Variants in TOX observed in about 807,000 individuals in gnomAD.
TOX encodes the protein thymocyte selection associated high mobility group box.
TOX carries 11 observed loss-of-function variants against 53.7 expected under a neutral mutation model. The ratio of observed to expected loss-of-function variants is 0.20; its 90% CI spans 0.13 to 0.34. The LOEUF (loss-of-function observed/expected upper bound fraction) is 0.34. TOX is among the 10% of genes least tolerant of loss of function. TOX has a pLI of 1.00. For missense variants in TOX, 570 were observed against 664.6 expected (o/e 0.86, Z 1.56); for synonymous variants, 225 against 245.3 (o/e 0.92, Z 0.77).
At chr8:58,842,355 C>T (rs1471784583) in intron 4 of TOX, among the ~76,000 whole-genome samples, 1 of 152,202 alleles carries the variant, frequency 6.6e-6, no homozygotes, top group Non-Finnish European at 1.5e-5. Context: ...CTCTCTCTTT[C>T]TCTGTCATAC....
At chr8:58,946,856 G>GA (rs1812530311) in intron 2 of TOX, among the ~76,000 whole-genome samples, 1 of 152,002 alleles carries the variant, frequency 6.6e-6, no homozygotes, top group African/African-American at 2.4e-5. Context: ...AACATCAAAA[G>GA]ATATAGCTCT....
At chr8:59,059,373 A>C (rs1803939013) in intron 1 of TOX, among the ~76,000 whole-genome samples, 1 of 152,230 alleles carries the variant, frequency 6.6e-6, no homozygotes, top group Admixed American at 6.5e-5. Flanking sequence ...TACCGGAAGA[A>C]AATAATTTAA....
intron 1 of TOX, among the ~76,000 whole-genome samples, chr8:59,069,955 C>G (rs16924541): frequency 0.089 from 13,504 of 152,180 alleles, 1,575 homozygotes; most frequent in African/African-American, 0.27. Flanking sequence ...AACACGGTAC[C>G]CTGACCTGTA....
At chr8:59,093,634 C>T (rs1000005626) in intron 1 of TOX, among the ~76,000 whole-genome samples, 6 of 152,160 alleles carry the variant, frequency 3.9e-5, no homozygotes, top group Admixed American at 3.9e-4. Flanking sequence ...CTTTCTTTCT[C>T]CTGCAAAGTA....
Position 58,883,027 on chromosome 8 carries a change from C to T in TOX, c.412-31222G>A, listed in dbSNP as rs550684228. The stretch of plus-strand genomic sequence containing the variant: ...GATTTCTCTGACACACACACGTACA[C>T]GACCCACCTGCTTTCTACTTTTGTT... On this transcript the variant is annotated intron_variant, in intron 3 of 8. Coordinates refer to ENST00000361421, the MANE Select transcript of TOX (RefSeq NM_014729.3). 3.3e-5 allele frequency among the ~76,000 whole-genome samples: 5 copies of T among 152,310 alleles called. No individual in the cohort carries two copies. The South Asian group carries it at 8.3e-4, about 25-fold the overall frequency.
At chr8:58,933,573 T>G (rs1299412439) in intron 3 of TOX, among the ~76,000 whole-genome samples, 7 of 144,738 alleles carry the variant, frequency 4.8e-5, no homozygotes, top group East Asian at 4.1e-4. Context: ...TGAAGGGGGG[T>G]GGGGGGTGCA....
intron 3 of TOX, among the ~76,000 whole-genome samples, chr8:58,878,072 T>G (rs1563377363): frequency 6.6e-6 from 1 of 152,206 alleles, no homozygotes; most frequent in Non-Finnish European, 1.5e-5. Flanking sequence ...TTCAGAATTC[T>G]GATCTGATAC....
chr8:59,052,979 A>G (rs1203046953), intron 1 of TOX, among the ~76,000 whole-genome samples: 3 of 152,222 alleles, frequency 2.0e-5, no homozygotes, highest in Admixed American at 6.5e-5. Context: ...GTGGTTCTAA[A>G]TGGTTCAAGA....
intron 1 of TOX, among the ~76,000 whole-genome samples, chr8:59,010,108 T>C (rs1248586563): frequency 6.6e-6 from 1 of 152,186 alleles, no homozygotes; most frequent in Non-Finnish European, 1.5e-5. Flanking sequence ...CCAAATAGTG[T>C]AGAATTCACG....
At chr8:58,993,285 G>A (rs1269489268) in intron 1 of TOX, among the ~76,000 whole-genome samples, 1 of 152,190 alleles carries the variant, frequency 6.6e-6, no homozygotes, top group East Asian at 1.9e-4. Context: ...TAGATTTAAG[G>A]TTAGATTTTA....
intron 2 of TOX, among the ~76,000 whole-genome samples, chr8:58,941,216 T>C (rs775789913): frequency 2.0e-5 from 3 of 152,240 alleles, no homozygotes; most frequent in Non-Finnish European, 4.4e-5. Context: ...AGCCATTGGT[T>C]CCTTGTACAA....
intron 1 of TOX, among the ~76,000 whole-genome samples, chr8:58,973,551 T>G (rs1177468230): frequency 6.6e-6 from 1 of 152,220 alleles, no homozygotes; most frequent in Non-Finnish European, 1.5e-5. Context: ...TGATTTTTAG[T>G]CCAATATTCC....
intron 1 of TOX, among the ~76,000 whole-genome samples, chr8:59,058,634 T>C (rs918905494): frequency 2.0e-5 from 3 of 152,178 alleles, no homozygotes; most frequent in Admixed American, 6.5e-5. Flanking sequence ...GCCCTGTGAC[T>C]GTTCATCCTT....
intron 2 of TOX, among the ~76,000 whole-genome samples, chr8:58,946,743 G>A (rs1045858305): frequency 6.6e-6 from 1 of 152,152 alleles, no homozygotes; most frequent in Admixed American, 6.5e-5. Context: ...AAAGCAATGA[G>A]TGCCTCATTT....
chr8:58,959,077 T>A (rs2129178353), intron 2 of TOX, among the ~76,000 whole-genome samples: 1 of 152,332 alleles, frequency 6.6e-6, no homozygotes, highest in Non-Finnish European at 1.5e-5. Context: ...CATATGAAAT[T>A]CCAATCTACC....
At chr8:59,056,820 G>A (rs995415276) in intron 1 of TOX, among the ~76,000 whole-genome samples, 1 of 152,160 alleles carries the variant, frequency 6.6e-6, no homozygotes, top group African/African-American at 2.4e-5. Flanking sequence ...AAAGACAAAA[G>A]CAATGGCCCT....
intron 3 of TOX, among the ~76,000 whole-genome samples, chr8:58,903,208 G>A (rs1295332006): frequency 6.6e-6 from 1 of 152,170 alleles, no homozygotes; most frequent in African/African-American, 2.4e-5. Flanking sequence ...AGAACTGGTG[G>A]TGTTGAACAC....
At chr8:59,056,746 GA>G (rs1563432304) in intron 1 of TOX, among the ~76,000 whole-genome samples, 4 of 152,194 alleles carry the variant, frequency 2.6e-5, no homozygotes, top group Admixed American at 1.3e-4. Flanking sequence ...GTATCTGATT[GA>G]AAAAACCAAC....
chr8:58,822,482 T>C (rs1810298388), intron 6 of TOX, among the ~76,000 whole-genome samples: 1 of 152,224 alleles, frequency 6.6e-6, no homozygotes, highest in African/African-American at 2.4e-5. Flanking sequence ...GATATGCTTG[T>C]ACAGCAGGAG....
Sources: gnomAD v4.1 joint callset for allele counts (sites outside exome capture counted in the v4.1 genomes callset) on GRCh38, gnomAD v4.1.1 for gene constraint, MANE v1.5 for transcripts, NCBI Gene and HGNC (gene_info 2026-07-23, HGNC 2026-07-21) for gene names.